Variants in LRP1B observed in about 807,000 individuals in gnomAD.
LRP1B encodes the protein low-density lipoprotein receptor-related protein 1B.
LRP1B carries 217 observed loss-of-function variants against 556.6 expected under a neutral mutation model. The observed-to-expected ratio is 0.39, with a 90% confidence interval of 0.35 to 0.44. The LOEUF is 0.44. Ranked by LOEUF, LRP1B falls within the 20% of genes least tolerant of loss-of-function variation. The pLI, the probability that LRP1B is intolerant of heterozygous loss-of-function variation, is 1.00. For missense variants in LRP1B, 5,053 were observed against 5,620.8 expected (o/e 0.90, Z 3.23); for synonymous variants, 2,047 against 1,865.8 (o/e 1.10, Z -2.50).
At chr2:140,385,164 G>T (rs749006476) in intron 67 of LRP1B, among the ~76,000 whole-genome samples, 36 of 152,092 alleles carry the variant, frequency 2.4e-4, no homozygotes, top group Non-Finnish European at 5.3e-4. Context: ...AGGATCACCT[G>T]ATCCTGGGAG....
At chr2:141,126,263 A>T (rs967319201) in intron 7 of LRP1B, among the ~76,000 whole-genome samples, 1 of 151,784 alleles carries the variant, frequency 6.6e-6, no homozygotes, top group African/African-American at 2.4e-5. Flanking sequence ...CAAACTCCTC[A>T]CCTCAGGTGA....
intron 7 of LRP1B, among the ~76,000 whole-genome samples, chr2:141,159,374 T>A (rs1035285764): frequency 1.3e-5 from 2 of 152,102 alleles, no homozygotes; most frequent in African/African-American, 4.8e-5. Context: ...AGGAAAGTCA[T>A]TAATAAGTTT....
chr2:140,502,896 C>G (rs1689257044), intron 54 of LRP1B, 67 bp downstream of exon 54: 2 of 1,533,018 alleles, frequency 1.3e-6, no homozygotes, highest in Admixed American at 3.5e-5. Context: ...CTATACTAGA[C>G]AGAAAATCAC....
At chr2:142,009,838 T>C (rs1383915444) in intron 1 of LRP1B, among the ~76,000 whole-genome samples, 1 of 152,026 alleles carries the variant, frequency 6.6e-6, no homozygotes, top group African/African-American at 2.4e-5. Flanking sequence ...ATTGGATATA[T>C]ATGTATACAT....
At chr2:140,935,924 T>C (rs1233626759) in intron 20 of LRP1B, among the ~76,000 whole-genome samples, 3 of 151,570 alleles carry the variant, frequency 2.0e-5, no homozygotes, top group Non-Finnish European at 4.4e-5. Flanking sequence ...GTGTGATATG[T>C]TAAGTGTATA....
intron 36 of LRP1B, among the ~76,000 whole-genome samples, 181 bp from the exon 37 acceptor site, chr2:140,716,283 A>G (rs1271141892): frequency 6.6e-6 from 1 of 152,114 alleles, no homozygotes; most frequent in Non-Finnish European, 1.5e-5. Flanking sequence ...AAATACTTTC[A>G]ATCCTAATCT....
At chr2:141,925,080 A>C (rs1037973447) in intron 1 of LRP1B, among the ~76,000 whole-genome samples, 2 of 152,190 alleles carry the variant, frequency 1.3e-5, no homozygotes, top group Non-Finnish European at 2.9e-5. Context: ...TAGATATAAC[A>C]ATGGCAAATG....
chr2:141,886,215 G>T (rs547125096), intron 1 of LRP1B, among the ~76,000 whole-genome samples: 2 of 152,108 alleles, frequency 1.3e-5, no homozygotes, highest in Non-Finnish European at 2.9e-5. Flanking sequence ...GGAATGTAAA[G>T]GTTAAGTGGG....
chr2:142,048,259 G>T (rs1040609764), intron 1 of LRP1B, among the ~76,000 whole-genome samples: 1 of 152,044 alleles, frequency 6.6e-6, no homozygotes, highest in Non-Finnish European at 1.5e-5. Context: ...TCTAGGCATT[G>T]CAGGTATGCC....
chr2:141,457,064 T>A (rs1270189565), intron 3 of LRP1B, among the ~76,000 whole-genome samples: 1 of 152,220 alleles, frequency 6.6e-6, no homozygotes, highest in Admixed American at 6.5e-5. Context: ...TGTGTGATTA[T>A]TACCTTACCT....
chr2:142,071,596 C>T (rs769388365), intron 1 of LRP1B, among the ~76,000 whole-genome samples: 2 of 151,902 alleles, frequency 1.3e-5, no homozygotes, highest in Non-Finnish European at 2.9e-5. Context: ...ACACTCATTC[C>T]CTTGTGTGTT....
At position 140,715,995 on chromosome 2, in the gene LRP1B, T is replaced by C. The variant is rs545543277; in HGVS notation, c.6001A>G (p.Ile2001Val). 5.2e-5 allele frequency: 84 copies of C among 1,608,566 alleles called. 1 individual carries two copies. The highest frequency in any genetic ancestry group is 7.1e-5 in the Non-Finnish European group (83 of 1,176,760). Residue 2001 changes from isoleucine to valine, a missense_variant, in exon 37 of 91, where the codon ATA (isoleucine) becomes GTA (valine). Ile to Val is a conservative substitution (Grantham distance 29). Around this residue, in one of 5 missense-constraint regions of LRP1B, gnomAD observed 3,619 missense variants for 3,931.9 expected, o/e 0.92. Coordinates refer to ENST00000389484, the MANE Select transcript of LRP1B (RefSeq NM_018557.3). ...ISQGLDQPRS[I>V]AVHPEKGLLF... ...TACCCTTTCTCTGGGTGCACAGCTA[T>C]AGATCTTGGTTGATCCAGGCCTTGG...
intron 25 of LRP1B, among the ~76,000 whole-genome samples, chr2:140,881,185 G>T: frequency 6.6e-6 from 1 of 152,024 alleles, no homozygotes; most frequent in South Asian, 2.1e-4. Context: ...CACTAAGATA[G>T]TAAGCTGAGT....
chr2:140,564,595 A>C (rs781279675), intron 43 of LRP1B, among the ~76,000 whole-genome samples: 2 of 152,134 alleles, frequency 1.3e-5, no homozygotes, highest in Non-Finnish European at 2.9e-5. Context: ...TTGGCATTCA[A>C]TACTAAGATA....
chr2:141,393,536 A>C (rs1456076754), intron 3 of LRP1B, among the ~76,000 whole-genome samples: 2 of 152,212 alleles, frequency 1.3e-5, no homozygotes, highest in Non-Finnish European at 2.9e-5. Context: ...CCTTTTAAAA[A>C]ATAATTATTC....
chr2:141,816,521 A>G (rs1696554688), intron 1 of LRP1B, among the ~76,000 whole-genome samples: 1 of 152,162 alleles, frequency 6.6e-6, no homozygotes, highest in South Asian at 2.1e-4. Context: ...TCAGGCCGTC[A>G]GCCACAGACG....
chr2:140,872,126 A>T (rs1573826239), intron 25 of LRP1B, among the ~76,000 whole-genome samples: 1 of 81,330 alleles, frequency 1.2e-5, no homozygotes, highest in Admixed American at 1.3e-4. Context: ...TTCTCAGTTT[A>T]CTGAATTCTG....
chr2:140,632,942 A>C (rs1195488074), intron 41 of LRP1B, among the ~76,000 whole-genome samples: 1 of 152,064 alleles, frequency 6.6e-6, no homozygotes, highest in East Asian at 1.9e-4. Flanking sequence ...AGGCACCTGT[A>C]GTCCCAGCTA....
At chr2:142,079,760 T>C (rs1017190018) in intron 1 of LRP1B, among the ~76,000 whole-genome samples, 1 of 152,176 alleles carries the variant, frequency 6.6e-6, no homozygotes, top group Admixed American at 6.5e-5. Flanking sequence ...TCCACTCACC[T>C]TGGCCTCCCA....
Sources: allele counts gnomAD v4.1 joint callset (sites outside exome capture counted in the v4.1 genomes callset), GRCh38; gene constraint gnomAD v4.1.1; regional missense constraint gnomAD v4.1.1; transcripts MANE v1.5; gene names NCBI Gene and HGNC (gene_info 2026-07-23, HGNC 2026-07-21).